The following CHSY3 variants were observed in gnomAD, a reference collection of about 807,000 sequenced individuals.
CHSY3 encodes the protein chondroitin sulfate synthase 3.
A neutral mutation model predicts 67.2 loss-of-function variants in CHSY3; 35 were observed. That is an observed-to-expected ratio of 0.52 (90% CI 0.40 to 0.69). The LOEUF (loss-of-function observed/expected upper bound fraction) is 0.69, where lower values mean the gene tolerates loss of function less well. CHSY3 is among the 30% of genes least tolerant of loss of function. CHSY3 has a pLI of 0.00. For synonymous variants in CHSY3, 474 were observed against 434.7 expected (o/e 1.09, Z -1.12); for missense variants, 1,069 against 1,138.5 (o/e 0.94, Z 0.88).
chr5:130,115,686 C>G (rs1022474626), intron 2 of CHSY3, among the ~76,000 whole-genome samples: 1 of 152,194 alleles, frequency 6.6e-6, no homozygotes, highest in Non-Finnish European at 1.5e-5. Flanking sequence ...CAATTATTCA[C>G]TTCTTACTTG....
rs565487023 is a variant in CHSY3 at position 130,162,742 on chromosome 5, C to T, written c.1087-21487C>T. Among the ~76,000 whole-genome samples, 12 of 152,208 alleles carry T rather than the reference C, an allele frequency of 7.9e-5. No individual in the cohort carries two copies. In the South Asian group the frequency reaches 2.3e-3, roughly 29 times the overall value. On this transcript the variant is annotated intron_variant, in intron 2 of 2. Coordinates refer to ENST00000305031, the MANE Select transcript of CHSY3 (RefSeq NM_175856.5). ...AATGTTATTTCTCATTATGCTCTCTCCAACTAGAAGCATTGGAGCAGAACT... is the reference window on the plus strand; with the variant it reads ...AATGTTATTTCTCATTATGCTCTCTTCAACTAGAAGCATTGGAGCAGAACT...
chr5:129,934,114 T>A lies in CHSY3; in HGVS notation c.1086+25754T>A, dbSNP rs555836903. On this transcript the variant is annotated intron_variant, in intron 2 of 2. Transcript: ENST00000305031. ...AACCTAGACAATAGATGGAAATGGT[T>A]AATAAACTACTGTGCATTTGTATTG... Among the ~76,000 whole-genome samples, 244 of 152,292 alleles carry A rather than the reference T, an allele frequency of 1.6e-3. 1 individual carries two copies. The highest frequency in any genetic ancestry group is 2.8e-3 in the Non-Finnish European group (190 of 68,000).
chr5:129,945,731 A>G (rs1347420024), intron 2 of CHSY3, among the ~76,000 whole-genome samples: 2 of 152,132 alleles, frequency 1.3e-5, no homozygotes, highest in Non-Finnish European at 1.5e-5. Context: ...AGTATTTAGG[A>G]TAATACCTTG....
At chr5:130,183,812 A>C (rs1209648274) in intron 2 of CHSY3, among the ~76,000 whole-genome samples, 3 of 152,102 alleles carry the variant, frequency 2.0e-5, no homozygotes, top group African/African-American at 7.2e-5. Context: ...AGATAGGAGG[A>C]ATAAATTCAA....
intron 2 of CHSY3, among the ~76,000 whole-genome samples, chr5:130,168,261 T>C (rs1769804987): frequency 6.6e-6 from 1 of 152,168 alleles, no homozygotes; most frequent in Admixed American, 6.6e-5. Flanking sequence ...CATTTATTTG[T>C]GCAGAAATTA....
chr5:129,910,621 A>G (rs904616297), intron 2 of CHSY3, among the ~76,000 whole-genome samples: 2 of 152,034 alleles, frequency 1.3e-5, no homozygotes, highest in African/African-American at 4.8e-5. Flanking sequence ...AAGAGATTAT[A>G]TCTAAATTTT....
chr5:130,077,585 G>C (rs1299915760), intron 2 of CHSY3, among the ~76,000 whole-genome samples: 1 of 152,008 alleles, frequency 6.6e-6, no homozygotes, highest in African/African-American at 2.4e-5. Flanking sequence ...AAGCTAACGA[G>C]GAAGAAGAGT....
rs958591713 is a variant in CHSY3 at position 129,904,829 on chromosome 5, G to C, written c.-1G>C. The C allele has an allele frequency of 7.0e-7, 1 of 1,419,164 alleles. No homozygotes were observed. Among genetic ancestry groups the C allele is most frequent in the Non-Finnish European group, 9.2e-7 (1 of 1,083,658 alleles). 87.9% of individuals were successfully genotyped at this position (1,419,164 alleles called of 1,614,324 possible). ...GAGCGTCCGCGCCCGGGACAGCCGCGATGGCTGTGCGCTCTCGCCGCCCGT... is the reference window on the plus strand; with the variant it reads ...GAGCGTCCGCGCCCGGGACAGCCGCCATGGCTGTGCGCTCTCGCCGCCCGT... On this transcript the variant is annotated 5_prime_UTR_variant, in exon 1 of 3. Transcript: ENST00000305031.
chr5:130,142,288 G>T (rs1295470041), intron 2 of CHSY3, among the ~76,000 whole-genome samples: 1 of 152,168 alleles, frequency 6.6e-6, no homozygotes, highest in Admixed American at 6.5e-5. Context: ...TCACAAGTGT[G>T]CATATGCAGT....
chr5:130,024,137 C>CAAA (rs5871376), intron 2 of CHSY3, among the ~76,000 whole-genome samples: 59,325 of 109,006 alleles, frequency 0.54, 14,730 homozygotes, highest in East Asian at 0.63. Flanking sequence ...GATTGATGGT[C>CAAA]AAAAAAAAAA....
chr5:130,048,139 C>T (rs771474630), intron 2 of CHSY3, among the ~76,000 whole-genome samples: 4 of 151,974 alleles, frequency 2.6e-5, no homozygotes, highest in Admixed American at 6.6e-5. Context: ...GAGATGGGCT[C>T]TTCTGAGTTC....
At chr5:129,964,743 G>A (rs1404265077) in intron 2 of CHSY3, among the ~76,000 whole-genome samples, 1 of 151,846 alleles carries the variant, frequency 6.6e-6, no homozygotes, top group African/African-American at 2.4e-5. Flanking sequence ...CTGGTTATTA[G>A]TAATTCTGGT....
At position 130,137,217 on chromosome 5, in the gene CHSY3, T is replaced by C. The variant is rs138180551; in HGVS notation, c.1087-47012T>C. ...GTTTGCACATCTCCGGGAATGAAGA[T>C]CTTGTATCCTGTCGTTTTCCATGCT... On this transcript the variant is annotated intron_variant, in intron 2 of 2. Coordinates refer to ENST00000305031, the MANE Select transcript of CHSY3 (RefSeq NM_175856.5). 9.8e-3 allele frequency among the ~76,000 whole-genome samples: 1,491 copies of C among 152,324 alleles called. 30 individuals carry two copies. Among genetic ancestry groups the C allele is most frequent in the African/African-American group, 0.034 (1,418 of 41,568 alleles).
At chr5:130,120,486 G>GAAAAAA (rs34727574) in intron 2 of CHSY3, among the ~76,000 whole-genome samples, 7 of 95,828 alleles carry the variant, frequency 7.3e-5, no homozygotes, top group Non-Finnish European at 1.1e-4. Context: ...ATTTCTGAAA[G>GAAAAAA]AAAAAAAAAA....
intron 2 of CHSY3, among the ~76,000 whole-genome samples, chr5:130,003,488 C>G (rs1763791548): frequency 6.6e-6 from 1 of 152,082 alleles, no homozygotes; most frequent in Non-Finnish European, 1.5e-5. Context: ...AAGTTAGGCT[C>G]AGTGAAAGGC....
At chr5:130,017,113 A>G (rs890852561) in intron 2 of CHSY3, among the ~76,000 whole-genome samples, 1 of 152,160 alleles carries the variant, frequency 6.6e-6, no homozygotes, top group Non-Finnish European at 1.5e-5. Flanking sequence ...TGAAGGTTCT[A>G]CTTTTTAAAA....
intron 2 of CHSY3, among the ~76,000 whole-genome samples, chr5:130,160,077 C>G (rs1769486520): frequency 1.3e-5 from 2 of 152,128 alleles, no homozygotes; most frequent in African/African-American, 4.8e-5. Flanking sequence ...AAAGATTATT[C>G]CATCTGAGAA....
At chr5:130,175,861 T>C (rs534803345) in intron 2 of CHSY3, among the ~76,000 whole-genome samples, 1 of 152,210 alleles carries the variant, frequency 6.6e-6, no homozygotes, top group African/African-American at 2.4e-5. Flanking sequence ...TGAAGATGGG[T>C]TAAAGATTTA....
intron 2 of CHSY3, among the ~76,000 whole-genome samples, chr5:130,042,235 C>CGG (rs1580676623): frequency 6.6e-6 from 1 of 152,040 alleles, no homozygotes; most frequent in East Asian, 1.9e-4. Flanking sequence ...GACCCTGTCT[C>CGG]CAAATTTTTT....
Sources: allele counts gnomAD v4.1 joint callset (sites outside exome capture counted in the v4.1 genomes callset), GRCh38; gene constraint gnomAD v4.1.1; transcripts MANE v1.5; gene names NCBI Gene and HGNC (gene_info 2026-07-23, HGNC 2026-07-21).